Variants in C12orf43 observed in about 807,000 individuals in gnomAD.
The protein encoded by C12orf43 is chromosome 12 open reading frame 43.
Under a neutral mutation model 20.6 loss-of-function variants are expected in C12orf43, and 15 were observed. The observed-to-expected ratio is 0.73, with a 90% CI of 0.49 to 1.12. C12orf43 has a LOEUF of 1.12. Ranked by LOEUF, C12orf43 falls within the 50% of genes most tolerant of loss-of-function variation. C12orf43 has a pLI of 0.00. For missense variants in C12orf43, 334 were observed against 344.4 expected (o/e 0.97, Z 0.24); for synonymous variants, 144 against 130.8 (o/e 1.10, Z -0.69).
At position 121,006,793 on chromosome 12, in the gene C12orf43, C is replaced by T. The variant is rs370254401; in HGVS notation, c.288-399G>A. 80 of 169,696 alleles carry T rather than the reference C, an allele frequency of 4.7e-4. 1 individual carries two copies. In the East Asian group the frequency reaches 0.011, roughly 23 times the overall value. 10.5% of individuals were successfully genotyped at this position (169,696 alleles called of 1,614,324 possible). On this transcript the variant is annotated intron_variant, in intron 3 of 5. Transcript: ENST00000288757. ...TCTACTAAAAATACAAAAAATTAGCCGGGCATGGTGGCGGGCGCCTGTAGT... is the reference window on the plus strand; with the variant it reads ...TCTACTAAAAATACAAAAAATTAGCTGGGCATGGTGGCGGGCGCCTGTAGT...
chr12:121,001,057 C>T lies in C12orf43; in HGVS notation c.*3096G>A, dbSNP rs1877437819. 5.0e-6 allele frequency: 8 copies of T among 1,613,040 alleles called. No individual in the cohort carries two copies. The highest frequency in any genetic ancestry group is 5.9e-6 in the Non-Finnish European group (7 of 1,179,798). On this transcript the variant is annotated 3_prime_UTR_variant, in exon 6 of 6. Coordinates refer to ENST00000288757, the MANE Select transcript of C12orf43 (RefSeq NM_022895.3). ...GTGGGTGGCTAGCAGCCTTGTTTGC[C>T]TCTGCAGTGTCCTCCAGCAGCCTGG... is the stretch of plus-strand genomic sequence containing the variant.
At position 121,012,476 on chromosome 12, in the gene C12orf43, T is replaced by C. The variant is rs1229198677; in HGVS notation, c.146-1330A>G. The C allele has an allele frequency of 5.7e-6, 4 of 702,536 alleles. No individual in the cohort carries two copies. The South Asian group carries it at 5.9e-5, about 10-fold the overall frequency. The allele number at this position is 702,536 out of a possible 1,614,324, so 43.5% of individuals were successfully genotyped here. On this transcript the variant is annotated intron_variant, in intron 1 of 5. Coordinates refer to ENST00000288757, the MANE Select transcript of C12orf43 (RefSeq NM_022895.3). ...TTGGCTGCTGTGCAGCGTGAGACTG[T>C]TGGGGCAAAGGCAGGAACACGGAGT... is the stretch of plus-strand genomic sequence containing the variant.
intron 1 of C12orf43, among the ~76,000 whole-genome samples, chr12:121,013,650 C>T (rs1245994628): frequency 6.6e-6 from 1 of 152,148 alleles, no homozygotes; most frequent in Admixed American, 6.5e-5. Flanking sequence ...GTTTGAGTGA[C>T]GAGTTCATCA....
rs984418600 is a variant in C12orf43, at chr12:121,003,911, C to T, written c.*242G>A. On this transcript the variant is annotated 3_prime_UTR_variant, in exon 6 of 6. Transcript: ENST00000288757. ...AAATGTTCTGGAACCACAGCGCCCCCGCCAGCCCTCCGTGGGAGCACAGAG... is the reference window on the plus strand; with the variant it reads ...AAATGTTCTGGAACCACAGCGCCCCTGCCAGCCCTCCGTGGGAGCACAGAG... 4 of 583,834 alleles carry T rather than the reference C, an allele frequency of 6.9e-6. No homozygotes were observed. The highest frequency in any genetic ancestry group is 6.0e-5 in the Admixed American group (2 of 33,206). The allele number at this position is 583,834 out of a possible 1,614,324, so 36.2% of individuals were successfully genotyped here. A position where few individuals can be genotyped will look rare whatever the true frequency, so the allele number is the denominator to read the frequency against.
Position 121,002,721 on chromosome 12 carries a change from TG to T in C12orf43, c.*1431del, listed in dbSNP as rs1877599796. 2 of 319,478 alleles carry T rather than the reference TG, an allele frequency of 6.3e-6. No homozygotes were observed. The allele number at this position is 319,478 out of a possible 1,614,324, so 19.8% of individuals were successfully genotyped here. On this transcript the variant is annotated 3_prime_UTR_variant, in exon 6 of 6. Coordinates refer to ENST00000288757, the MANE Select transcript of C12orf43 (RefSeq NM_022895.3). The stretch of plus-strand genomic sequence containing the variant: ...TCTACTTTTTAAAAAAATTTTGTTT[TG>T]GAGACAGGGTCTCACTGTCACCCAG...
chr12:121,007,158 C>G (rs1443231417), intron 3 of C12orf43: 2 of 152,004 alleles, frequency 1.3e-5, no homozygotes, highest in Admixed American at 1.3e-4. Context: ...TGGAGCAGGG[C>G]AGACCTGTTT....
chr12:121,008,160 G>C (rs1413354175), intron 3 of C12orf43, among the ~76,000 whole-genome samples: 1 of 151,498 alleles, frequency 6.6e-6, no homozygotes, highest in Non-Finnish European at 1.5e-5. Flanking sequence ...TTTGAGATGG[G>C]ATCTCACTCT....
chr12:121,000,486 T>C lies in C12orf43; in HGVS notation c.*3667A>G. ...TCTTAACCATTGCCATCAGTCAGGG[T>C]TCTCCAGGAACACAGAACCAACAGA... On this transcript the variant is annotated 3_prime_UTR_variant, in exon 6 of 6. Transcript: ENST00000288757. The C allele has an allele frequency of 6.0e-6, 1 of 167,682 alleles. No individual in the cohort carries two copies. Among genetic ancestry groups the C allele is most frequent in the Non-Finnish European group, 1.3e-5 (1 of 77,532 alleles). 10.4% of individuals were successfully genotyped at this position (167,682 alleles called of 1,614,324 possible).
rs2135860560 is a variant in C12orf43 at position 121,003,405 on chromosome 12, G to C, written c.*748C>G. The C allele has an allele frequency of 6.6e-6, 1 of 152,300 alleles. No individual in the cohort carries two copies. Among genetic ancestry groups the C allele is most frequent in the South Asian group, 2.1e-4 (1 of 4,830 alleles). The allele number at this position is 152,300 out of a possible 1,614,324, so 9.4% of individuals were successfully genotyped here. On this transcript the variant is annotated 3_prime_UTR_variant, in exon 6 of 6. Transcript: ENST00000288757. ...TGCTATGACACTTCCTGAAGTCTTG[G>C]GTGGGGTGAACGCACAAATCCTGGG...
rs1246773386 is a variant in C12orf43 at position 121,004,625 on chromosome 12, A to G, written c.453-136T>C. ...GGCAGGTAGTGAGTTCAGGCTTGGG[A>G]GTGAGGCCAACCTGGCTTCCAATAC... On this transcript the variant is annotated intron_variant, in intron 5 of 5. Coordinates refer to ENST00000288757, the MANE Select transcript of C12orf43 (RefSeq NM_022895.3). This position sits in a 1 kb window ranked among gnomAD's most constrained non-coding sequence, Gnocchi z 5.6. 9 of 886,468 alleles carry G rather than the reference A, an allele frequency of 1.0e-5. No homozygotes were observed. The highest frequency in any genetic ancestry group is 1.5e-5 in the Non-Finnish European group (9 of 587,960). The allele number at this position is 886,468 out of a possible 1,614,324, so 54.9% of individuals were successfully genotyped here. A position where few individuals can be genotyped will look rare whatever the true frequency, so the allele number is the denominator to read the frequency against.
Position 121,001,198 on chromosome 12 carries a change from G to C in C12orf43, c.*2955C>G. 1 of 1,613,850 alleles carries C rather than the reference G, an allele frequency of 6.2e-7. No individual in the cohort carries two copies. The highest frequency in any genetic ancestry group is 8.5e-7 in the Non-Finnish European group (1 of 1,179,946). ...TGGCCTCTTCCTCCCAGTAACCACGGCACCTGGGCCCTGGGGCCTGTACTG... is the reference window on the plus strand; with the variant it reads ...TGGCCTCTTCCTCCCAGTAACCACGCCACCTGGGCCCTGGGGCCTGTACTG... On this transcript the variant is annotated 3_prime_UTR_variant, in exon 6 of 6. Coordinates refer to ENST00000288757, the MANE Select transcript of C12orf43 (RefSeq NM_022895.3).
chr12:121,000,987 T>C lies in C12orf43; in HGVS notation c.*3166A>G, dbSNP rs537642366. 2.0e-4 allele frequency: 322 copies of C among 1,593,192 alleles called. 1 individual carries two copies. Among genetic ancestry groups the C allele is most frequent in the Middle Eastern group, 2.0e-3 (12 of 6,014 alleles). ...GAGGTGTGGCCCTGCCTCCCCATCC[T>C]GAGTACCCCTAGGGACAGGCAGGTG... is the stretch of plus-strand genomic sequence containing the variant. On this transcript the variant is annotated 3_prime_UTR_variant, in exon 6 of 6. Coordinates refer to ENST00000288757, the MANE Select transcript of C12orf43 (RefSeq NM_022895.3).
rs940556839 is a variant in C12orf43 at position 121,005,438 on chromosome 12, C to T, written c.362-345G>A. The stretch of plus-strand genomic sequence containing the variant: ...CAGAGGCAAAGACCCAGGAATCAGT[C>T]GTCTAACTACAAAGTGATTCTGCAT... On this transcript the variant is annotated intron_variant, in intron 4 of 5. Coordinates refer to ENST00000288757, the MANE Select transcript of C12orf43 (RefSeq NM_022895.3). The surrounding 1 kb of genome is among the most constrained non-coding windows in gnomAD (Gnocchi z 5.6). 6.6e-6 allele frequency among the ~76,000 whole-genome samples: 1 copy of T among 152,130 alleles called. No individual in the cohort carries two copies. Among genetic ancestry groups the T allele is most frequent in the Non-Finnish European group, 1.5e-5 (1 of 68,024 alleles).
intron 3 of C12orf43, among the ~76,000 whole-genome samples, chr12:121,008,681 C>T (rs369608516): frequency 5.3e-5 from 8 of 152,326 alleles, no homozygotes; most frequent in South Asian, 4.1e-4. Context: ...ATTCAGGCTG[C>T]GGGGCTCTGG....
At chr12:121,016,017 G>A (rs1302642273) in intron 1 of C12orf43, among the ~76,000 whole-genome samples, 1 of 152,186 alleles carries the variant, frequency 6.6e-6, no homozygotes, top group Non-Finnish European at 1.5e-5. Flanking sequence ...AAGGCTGGGT[G>A]CGAGAATACC....
Position 121,004,641 on chromosome 12 carries a change from C to A in C12orf43, c.453-152G>T. ...AGGCTTGGGAGTGAGGCCAACCTGGCTTCCAATACTGGCTTCTGGGCGTAG... is the reference window on the plus strand; with the variant it reads ...AGGCTTGGGAGTGAGGCCAACCTGGATTCCAATACTGGCTTCTGGGCGTAG... On this transcript the variant is annotated intron_variant, in intron 5 of 5. Transcript: ENST00000288757. This position sits in a 1 kb window ranked among gnomAD's most constrained non-coding sequence, Gnocchi z 5.6. 1 of 751,386 alleles carries A rather than the reference C, an allele frequency of 1.3e-6. No homozygotes were observed. The highest frequency in any genetic ancestry group is 1.8e-5 in the South Asian group (1 of 54,178). 46.5% of individuals were successfully genotyped at this position (751,386 alleles called of 1,614,324 possible).
chr12:121,004,451 G>T lies in C12orf43; in HGVS notation c.491C>A (p.Ala164Glu), dbSNP rs769598227. The T allele has an allele frequency of 6.2e-7, 1 of 1,610,282 alleles. No individual in the cohort carries two copies. Among genetic ancestry groups the T allele is most frequent in the African/African-American group, 1.3e-5 (1 of 75,006 alleles). ...SDEEWRRCRE[A>E]AVSASDILQE... ...TAGGATGTCGGACGCCGACACAGCT[G>T]CCTCCCGGCACCGCCGCCACTCCTC... is the stretch of plus-strand genomic sequence containing the variant. The change falls in exon 6 of 6, where the codon GCA (alanine) becomes GAA (glutamate). Residue 164 changes from alanine (A) to glutamate (E), a missense_variant. By Grantham distance (107) the Ala-to-Glu change is moderately radical. Transcript: ENST00000288757. The surrounding 1 kb of genome is among the most constrained non-coding windows in gnomAD (Gnocchi z 5.6).
chr12:121,002,739 G>A lies in C12orf43; in HGVS notation c.*1414C>T. 3.2e-6 allele frequency: 1 copy of A among 309,152 alleles called. No individual in the cohort carries two copies. Among genetic ancestry groups the A allele is most frequent in the Non-Finnish European group, 6.3e-6 (1 of 157,764 alleles). The allele number at this position is 309,152 out of a possible 1,614,324, so 19.2% of individuals were successfully genotyped here. A position where few individuals can be genotyped will look rare whatever the true frequency, so the allele number is the denominator to read the frequency against. On this transcript the variant is annotated 3_prime_UTR_variant, in exon 6 of 6. Transcript: ENST00000288757. ...TTTGTTTTGGAGACAGGGTCTCACT[G>A]TCACCCAGGCTGGACTGCAGTGGCA...
chr12:121,006,531 T>G (rs956784052), intron 3 of C12orf43, 137 bp from the exon 4 acceptor site: 1 of 775,736 alleles, frequency 1.3e-6, no homozygotes, highest in Non-Finnish European at 2.2e-6. Context: ...GTAAGAGGGC[T>G]GATGGTCTGG....
Sources: gnomAD v4.1 joint callset for allele counts (sites outside exome capture counted in the v4.1 genomes callset) on GRCh38, gnomAD v4.1.1 for gene constraint, Gnocchi (gnomAD v3.1) non-coding constraint, MANE v1.5 for transcripts, NCBI Gene and HGNC (gene_info 2026-07-23, HGNC 2026-07-21) for gene names.